The following DNM3 variants were observed in gnomAD, a reference collection of about 807,000 sequenced individuals.
The protein encoded by DNM3 is dynamin 3.
In DNM3, 47 loss-of-function variants were observed where a neutral mutation model predicts 101.6. The ratio of observed to expected loss-of-function variants is 0.46; its 90% CI spans 0.37 to 0.59. The LOEUF (loss-of-function observed/expected upper bound fraction) is 0.59. DNM3 is among the 20% of genes least tolerant of loss of function. DNM3 has a pLI of 0.00. For missense variants in DNM3, 849 were observed against 1,085.7 expected, an observed-to-expected ratio of 0.78 and a Z score of 3.06; for synonymous variants, 385 against 387.9, an observed-to-expected ratio of 0.99 and a Z score of 0.09.
At chr1:172,242,815 G>C (rs1342904913) in intron 14 of DNM3, among the ~76,000 whole-genome samples, 1 of 152,164 alleles carries the variant, frequency 6.6e-6, no homozygotes. Context: ...ACCCACGCAT[G>C]TGGGTACCAG....
At chr1:172,230,340 T>G (rs1308955032) in intron 14 of DNM3, among the ~76,000 whole-genome samples, 1 of 152,178 alleles carries the variant, frequency 6.6e-6, no homozygotes, top group East Asian at 1.9e-4. Context: ...ATTTAATAAA[T>G]TAAATTATTC....
At chr1:171,896,280 G>A (rs1454947907) in intron 1 of DNM3, among the ~76,000 whole-genome samples, 3 of 152,162 alleles carry the variant, frequency 2.0e-5, no homozygotes, top group Non-Finnish European at 2.9e-5. Context: ...AGCATGGAAT[G>A]TTCTTCCATT....
chr1:172,297,002 G>A (rs183243970), intron 15 of DNM3, among the ~76,000 whole-genome samples: 1 of 152,176 alleles, frequency 6.6e-6, no homozygotes, highest in East Asian at 1.9e-4. Context: ...ACTCAGCTGG[G>A]CCTTGTGGCA....
chr1:172,297,011 C>T (rs2255689), intron 15 of DNM3, among the ~76,000 whole-genome samples: 15,242 of 151,972 alleles, frequency 0.1, 1,062 homozygotes, highest in African/African-American at 0.2. Context: ...GGCCTTGTGG[C>T]ATGTTCCTGT....
chr1:171,901,067 C>T (rs1340373713), intron 1 of DNM3, among the ~76,000 whole-genome samples: 2 of 136,104 alleles, frequency 1.5e-5, no homozygotes, highest in Non-Finnish European at 3.1e-5. Context: ...GAGCCGAGAG[C>T]GCGCCACTGC....
At chr1:171,925,374 C>T (rs1011108271) in intron 2 of DNM3, among the ~76,000 whole-genome samples, 1 of 151,980 alleles carries the variant, frequency 6.6e-6, no homozygotes, top group South Asian at 2.1e-4. Flanking sequence ...ATTGCAGGTA[C>T]CCACCACCAC....
At chr1:172,173,687 A>C (rs2059048927) in intron 14 of DNM3, among the ~76,000 whole-genome samples, 1 of 151,692 alleles carries the variant, frequency 6.6e-6, no homozygotes, top group Admixed American at 6.6e-5. Context: ...AAATTTAAAA[A>C]GGAAAGAAAA....
At chr1:171,906,182 C>T (rs2038815071) in intron 1 of DNM3, among the ~76,000 whole-genome samples, 1 of 148,584 alleles carries the variant, frequency 6.7e-6, no homozygotes, top group Non-Finnish European at 1.5e-5. Context: ...GGCTGGAGTG[C>T]AGTGGTGTGA....
chr1:172,171,377 C>A (rs1206600183), intron 14 of DNM3, among the ~76,000 whole-genome samples: 1 of 151,566 alleles, frequency 6.6e-6, no homozygotes, highest in Non-Finnish European at 1.5e-5. Flanking sequence ...GAATTGAATG[C>A]TGTATGATAA....
intron 1 of DNM3, among the ~76,000 whole-genome samples, chr1:171,894,810 T>C (rs1308063160): frequency 1.4e-5 from 2 of 147,848 alleles, no homozygotes; most frequent in Non-Finnish European, 1.5e-5. Context: ...TTGTTCAATT[T>C]CCCACCTATG....
chr1:172,323,463 A>T, intron 17 of DNM3, 123 bp downstream of exon 17: 1 of 1,189,130 alleles, frequency 8.4e-7, no homozygotes, highest in Non-Finnish European at 1.2e-6. Context: ...TGCACGAATT[A>T]TATGGGGTGT....
intron 20 of DNM3, among the ~76,000 whole-genome samples, chr1:172,390,632 T>C (rs2069471837): frequency 6.6e-6 from 1 of 152,238 alleles, no homozygotes; most frequent in African/African-American, 2.4e-5. Context: ...CACTGCACTG[T>C]AGTATTCAAA....
intron 2 of DNM3, among the ~76,000 whole-genome samples, chr1:171,931,273 C>G (rs1418461841): frequency 6.6e-6 from 1 of 152,042 alleles, no homozygotes; most frequent in Non-Finnish European, 1.5e-5. Context: ...TGTCATAATC[C>G]CAGCTGATAT....
At chr1:171,875,186 G>A (rs2035648379) in intron 1 of DNM3, among the ~76,000 whole-genome samples, 1 of 152,212 alleles carries the variant, frequency 6.6e-6, no homozygotes, top group South Asian at 2.1e-4. Flanking sequence ...TATATGCCCA[G>A]TAATGGGATT....
chr1:171,991,526 G>T (rs2045630481), intron 4 of DNM3, among the ~76,000 whole-genome samples: 1 of 152,164 alleles, frequency 6.6e-6, no homozygotes, highest in Non-Finnish European at 1.5e-5. Flanking sequence ...GAGCTTCCAT[G>T]TTCTCTCCGG....
chr1:171,924,519 C>T (rs1295954232), intron 2 of DNM3, among the ~76,000 whole-genome samples: 3 of 152,174 alleles, frequency 2.0e-5, no homozygotes, highest in South Asian at 2.1e-4. Flanking sequence ...AAGCAAGGCA[C>T]CTTCTTCACA....
At chr1:171,858,246 G>GA (rs1348942546) in intron 1 of DNM3, among the ~76,000 whole-genome samples, 2 of 152,108 alleles carry the variant, frequency 1.3e-5, no homozygotes, top group South Asian at 2.1e-4. Flanking sequence ...ACATTTATGA[G>GA]AAAAAATTCA....
chr1:172,315,857 G>A (rs1461726505), intron 16 of DNM3, among the ~76,000 whole-genome samples: 1 of 152,108 alleles, frequency 6.6e-6, no homozygotes, highest in Non-Finnish European at 1.5e-5. Flanking sequence ...AGCAAGGCAG[G>A]CCAACGTTCA....
intron 15 of DNM3, among the ~76,000 whole-genome samples, chr1:172,286,932 C>T (rs1485857539): frequency 3.9e-5 from 6 of 152,184 alleles, no homozygotes; most frequent in Admixed American, 3.3e-4. Context: ...GTAATCACAA[C>T]CACAGCTGAG....
Sources: allele counts gnomAD v4.1 joint callset (sites outside exome capture counted in the v4.1 genomes callset), GRCh38; gene constraint gnomAD v4.1.1; transcripts MANE v1.5; gene names NCBI Gene and HGNC (gene_info 2026-07-23, HGNC 2026-07-21).